KIF13B: variants seen among roughly 807,000 people sequenced by gnomAD.
KIF13B encodes kinesin-like protein KIF13B.
KIF13B carries 127 observed loss-of-function variants against 222.0 expected under a neutral mutation model. The observed-to-expected ratio is 0.57, with a 90% CI of 0.50 to 0.66. KIF13B has a LOEUF of 0.66. Ranked by LOEUF, KIF13B falls within the 30% of genes least tolerant of loss-of-function variation. The pLI is 0.00. For synonymous variants in KIF13B, 976 were observed against 919.0 expected (o/e 1.06, Z -1.12); for missense variants, 2,173 against 2,379.0 (o/e 0.91, Z 1.80).
chr8:29,134,063 T>C lies in KIF13B; in HGVS notation c.2761A>G (p.Met921Val). 1.2e-6 allele frequency: 2 copies of C among 1,613,952 alleles called. No individual in the cohort carries two copies. Among genetic ancestry groups the C allele is most frequent in the Non-Finnish European group, 1.7e-6 (2 of 1,179,866 alleles). ...SSSVSKEPHC[M>V]VVFDHCNEFS... Reference sequence around the variant, plus strand: ...ACATTGCAATGATCAAAGACAACCATGCAGTGCGGCTCCTTGCTGACGGAA... The same window carrying C: ...ACATTGCAATGATCAAAGACAACCACGCAGTGCGGCTCCTTGCTGACGGAA... The change falls in exon 22 of 40, where the codon ATG (methionine) becomes GTG (valine). Residue 921 changes from methionine (M) to valine (V), a missense_variant. Met to Val is a conservative substitution (Grantham distance 21, BLOSUM62 1). This residue lies in a region of KIF13B where 1,480 missense variants were observed against 1,722.8 expected (regional missense o/e 0.86). Coordinates refer to ENST00000524189, the MANE Select transcript of KIF13B (RefSeq NM_015254.4).
intron 17 of KIF13B, 121 bp from the exon 18 acceptor site, chr8:29,146,661 G>GACCACCGAGA: frequency 1.2e-6 from 1 of 854,014 alleles, no homozygotes; most frequent in Non-Finnish European, 1.8e-6. Context: ...TTCCGTGGTC[G>GACCACCGAGA]TCTGCACGCA....
intron 9 of KIF13B, among the ~76,000 whole-genome samples, chr8:29,176,773 C>T (rs893193341): frequency 6.6e-6 from 1 of 151,884 alleles, no homozygotes; most frequent in African/African-American, 2.4e-5. Flanking sequence ...AGCAATAGGG[C>T]CACTGCTGAG....
chr8:29,262,952 C>T, intron 1 of KIF13B, 28 bp downstream of exon 1: 2 of 1,547,718 alleles, frequency 1.3e-6, no homozygotes, highest in African/African-American at 1.4e-5. Flanking sequence ...GCCTCCGCCC[C>T]GGCGGCCCAG....
chr8:29,102,961 G>A (rs1006589024), intron 35 of KIF13B, among the ~76,000 whole-genome samples: 4 of 151,930 alleles, frequency 2.6e-5, no homozygotes, highest in African/African-American at 9.7e-5. Flanking sequence ...TGATTTTGTC[G>A]GCCAGGTGCG....
intron 13 of KIF13B, among the ~76,000 whole-genome samples, chr8:29,156,457 G>C (rs1811529205): frequency 6.6e-6 from 1 of 151,934 alleles, no homozygotes; most frequent in African/African-American, 2.4e-5. Context: ...ACATACTTTA[G>C]TTCCGTTTTT....
At position 29,167,498 on chromosome 8, in the gene KIF13B, G is replaced by A. The variant is rs779494332; in HGVS notation, c.1033C>T (p.Arg345Trp). 8 of 1,613,836 alleles carry A rather than the reference G, an allele frequency of 5.0e-6. 1 individual carries two copies. The highest frequency in any genetic ancestry group is 1.3e-5 in the African/African-American group (1 of 74,912). ...ATGTGCTTGGCTCGATCTGCATACC[G>A]CAGAGTTGAGAGGGTTTCATCATAG... Reference protein sequence around the residue: ...DNYDETLSTLRYADRAKHIVN... With the variant: ...DNYDETLSTLWYADRAKHIVN... Residue 345 changes from arginine to tryptophan, a missense_variant, in exon 11 of 40, where the codon CGG (arginine) becomes TGG (tryptophan). Arg to Trp is a moderately radical substitution (Grantham distance 101, BLOSUM62 -3). This residue lies in a region of KIF13B where 1,480 missense variants were observed against 1,722.8 expected (regional missense o/e 0.86). Coordinates refer to ENST00000524189, the MANE Select transcript of KIF13B (RefSeq NM_015254.4).
intron 9 of KIF13B, 133 bp downstream of exon 9, chr8:29,177,333 T>C: frequency 1.5e-6 from 1 of 650,480 alleles, no homozygotes; most frequent in Admixed American, 2.5e-5. Context: ...CAACAAAACC[T>C]AAAATGGGCC....
At chr8:29,233,672 G>T (rs1390520432) in intron 2 of KIF13B, among the ~76,000 whole-genome samples, 3 of 152,156 alleles carry the variant, frequency 2.0e-5, no homozygotes, top group Non-Finnish European at 2.9e-5. Flanking sequence ...GATATTTTTT[G>T]AATTAGAAGC....
chr8:29,219,514 T>C (rs1814646092), intron 2 of KIF13B: 1 of 151,912 alleles, frequency 6.6e-6, no homozygotes, highest in African/African-American at 2.4e-5. Flanking sequence ...TCCCAGTACT[T>C]TGGGAACTGA....
intron 2 of KIF13B, 108 bp from the exon 3 acceptor site, chr8:29,196,307 G>A (rs1202415731): frequency 2.3e-6 from 2 of 880,130 alleles, no homozygotes; most frequent in Non-Finnish European, 3.5e-6. Context: ...TAAACATTAT[G>A]TAAATTCACA....
intron 29 of KIF13B, among the ~76,000 whole-genome samples, chr8:29,119,538 C>G (rs1414387042): frequency 6.6e-6 from 1 of 152,132 alleles, no homozygotes; most frequent in Non-Finnish European, 1.5e-5. Flanking sequence ...ATGGGGGGAC[C>G]GAGAACATGT....
chr8:29,200,916 GA>G (rs1447449166), intron 2 of KIF13B, among the ~76,000 whole-genome samples: 3 of 152,282 alleles, frequency 2.0e-5, no homozygotes, highest in Admixed American at 1.3e-4. Flanking sequence ...ATTCTACCAA[GA>G]GTCATATGAG....
chr8:29,167,493 A>G lies in KIF13B; in HGVS notation c.1038T>C (p.Tyr346=), dbSNP rs1222919757. The change falls in exon 11 of 40, where the codon TAT becomes TAC. Residue 346 remains tyrosine (Y), a synonymous_variant. Coordinates refer to ENST00000524189, the MANE Select transcript of KIF13B (RefSeq NM_015254.4). The part of the protein sequence containing the change: ...NYDETLSTLR[Y]ADRAKHIVNH... ...TTACAATGTGCTTGGCTCGATCTGC[A>G]TACCGCAGAGTTGAGAGGGTTTCAT... The G allele has an allele frequency of 1.9e-6, 3 of 1,613,950 alleles. No homozygotes were observed. The highest frequency in any genetic ancestry group is 2.5e-6 in the Non-Finnish European group (3 of 1,179,788).
At chr8:29,103,233 C>T (rs1808881193) in intron 35 of KIF13B, among the ~76,000 whole-genome samples, 1 of 138,094 alleles carries the variant, frequency 7.2e-6, no homozygotes, top group Non-Finnish European at 1.5e-5. Flanking sequence ...AAGAGTGAGA[C>T]TCTGTCTCAA....
intron 2 of KIF13B, among the ~76,000 whole-genome samples, chr8:29,204,246 T>C (rs1813829405): frequency 6.6e-6 from 1 of 152,224 alleles, no homozygotes; most frequent in African/African-American, 2.4e-5. Context: ...TTTAGAAATA[T>C]GAAGACTCTG....
chr8:29,229,660 G>A (rs180737908), intron 2 of KIF13B, among the ~76,000 whole-genome samples: 5 of 152,272 alleles, frequency 3.3e-5, no homozygotes, highest in Admixed American at 2.0e-4. Context: ...TGACCACGGA[G>A]TTCCTTTTCT....
intron 37 of KIF13B, 41 bp downstream of exon 37, chr8:29,092,704 A>G: frequency 6.3e-7 from 1 of 1,579,032 alleles, no homozygotes; most frequent in Non-Finnish European, 8.6e-7. Context: ...GCACCGCTTT[A>G]TTAGAAAAAC....
Position 29,169,801 on chromosome 8 carries a change from A to AATGTG in KIF13B, c.946-2217_946-2216insCACAT, listed in dbSNP as rs1812158415. On this transcript the variant is annotated intron_variant, in intron 10 of 39. Transcript: ENST00000524189. ...ATGAATGAAATTCAAATGTGATATA[A>AATGTG]CGAAAGCACAGGAATTCAATCTCAT... 3.9e-5 allele frequency among the ~76,000 whole-genome samples: 6 copies of AATGTG among 152,344 alleles called. 1 individual carries two copies. The South Asian group carries it at 1.2e-3, about 32-fold the overall frequency.
At chr8:29,126,427 A>C (rs1350210672) in intron 26 of KIF13B, 55 bp downstream of exon 26, 1 of 1,127,424 alleles carries the variant, frequency 8.9e-7, no homozygotes, top group East Asian at 2.5e-5. Flanking sequence ...AGGAATGTGT[A>C]ATTATATACT....
Sources: gnomAD v4.1 joint callset for allele counts (sites outside exome capture counted in the v4.1 genomes callset) on GRCh38, gnomAD v4.1.1 for gene constraint, gnomAD v4.1.1 regional missense constraint, MANE v1.5 for transcripts, NCBI Gene and HGNC (gene_info 2026-07-23, HGNC 2026-07-21) for gene names.